The following GRM3 variants were observed in gnomAD, a reference collection of about 807,000 sequenced individuals.
GRM3 encodes metabotropic glutamate receptor 3.
Under a neutral mutation model 70.5 loss-of-function variants are expected in GRM3, and 26 were observed. The observed-to-expected ratio is 0.37, with a 90% CI of 0.27 to 0.51. GRM3 has a LOEUF of 0.51. Among genes scored for constraint, GRM3 ranks in the 20% least tolerant of loss-of-function variants. GRM3 has a pLI of 0.93. For synonymous variants in GRM3, 443 were observed against 434.9 expected, an observed-to-expected ratio of 1.02 and a Z score of -0.23; for missense variants, 859 against 1,123.8, an observed-to-expected ratio of 0.76 and a Z score of 3.37.
intron 1 of GRM3, among the ~76,000 whole-genome samples, chr7:86,764,703 G>GA (rs531499653): frequency 6.0e-5 from 9 of 149,274 alleles, no homozygotes; most frequent in Non-Finnish European, 7.4e-5. Flanking sequence ...GCTTTCAAAA[G>GA]AAAAAAAAAC....
intron 1 of GRM3, among the ~76,000 whole-genome samples, chr7:86,698,546 C>CATT (rs1004701557): frequency 7.2e-6 from 1 of 139,686 alleles, no homozygotes; most frequent in African/African-American, 3.0e-5. Flanking sequence ...ATAAAATACA[C>CATT]ATTATTATTA....
chr7:86,679,864 A>G (rs930185801), intron 1 of GRM3, among the ~76,000 whole-genome samples: 1 of 152,082 alleles, frequency 6.6e-6, no homozygotes, highest in African/African-American at 2.4e-5. Context: ...AAAAATTTCT[A>G]ATTTGTTCAC....
intron 3 of GRM3, among the ~76,000 whole-genome samples, chr7:86,812,325 G>GGATT (rs1212402277): frequency 1.3e-5 from 2 of 151,770 alleles, no homozygotes; most frequent in African/African-American, 4.8e-5. Context: ...GCAAGGCAAG[G>GGATT]GATTGCCTGA....
chr7:86,836,945 A>G (rs910311966), intron 3 of GRM3, among the ~76,000 whole-genome samples: 1 of 152,150 alleles, frequency 6.6e-6, no homozygotes, highest in South Asian at 2.1e-4. Flanking sequence ...CAACTACTAC[A>G]TCACCCTGTG....
intron 1 of GRM3, among the ~76,000 whole-genome samples, chr7:86,680,474 G>A (rs1387011067): frequency 1.3e-5 from 2 of 152,026 alleles, no homozygotes; most frequent in Non-Finnish European, 2.9e-5. Flanking sequence ...ATCTTCCTAA[G>A]TTTCACCTTA....
intron 3 of GRM3, among the ~76,000 whole-genome samples, chr7:86,812,046 A>G (rs1797920357): frequency 6.6e-6 from 1 of 151,514 alleles, no homozygotes; most frequent in African/African-American, 2.4e-5. Context: ...AATTCTACCC[A>G]CTCTACTGAA....
chr7:86,718,172 T>G (rs1464416030), intron 1 of GRM3, among the ~76,000 whole-genome samples: 1 of 151,772 alleles, frequency 6.6e-6, no homozygotes, highest in African/African-American at 2.4e-5. Flanking sequence ...ATTTACATAC[T>G]TCAGCTTGGC....
At chr7:86,688,757 A>C (rs532186283) in intron 1 of GRM3, among the ~76,000 whole-genome samples, 28 of 148,408 alleles carry the variant, frequency 1.9e-4, no homozygotes, top group African/African-American at 4.9e-4. Context: ...GTATATATAT[A>C]TCTCTCACAT....
Position 86,813,745 on chromosome 7 carries a change from A to G in GRM3, c.1325-25094A>G, listed in dbSNP as rs575749486. 2.0e-5 allele frequency among the ~76,000 whole-genome samples: 3 copies of G among 151,890 alleles called. No individual in the cohort carries two copies. In the South Asian group the frequency reaches 6.2e-4, roughly 32 times the overall value. ...ATGGTGGCCAGAACTCTTGGGCATC[A>G]TCACCTGCTATACGATCATGTTAAT... On this transcript the variant is annotated intron_variant, in intron 3 of 5. Transcript: ENST00000361669.
rs182782575 is a variant in GRM3 at position 86,716,279 on chromosome 7, G to A, written c.-140-48727G>A. ...TATGACAGAGTATGACAAAAAGAACGGAGAGAGGAGAAAGACAAAGCAGAG... is the reference window on the plus strand; with the variant it reads ...TATGACAGAGTATGACAAAAAGAACAGAGAGAGGAGAAAGACAAAGCAGAG... On this transcript the variant is annotated intron_variant, in intron 1 of 5. Transcript: ENST00000361669. Among the ~76,000 whole-genome samples, 281 of 151,984 alleles carry A rather than the reference G, an allele frequency of 1.8e-3. 1 individual carries two copies. The highest frequency in any genetic ancestry group is 6.2e-3 in the African/African-American group (259 of 41,484).
Position 86,818,531 on chromosome 7 carries a change from A to G in GRM3, c.1325-20308A>G, listed in dbSNP as rs191456814. Among the ~76,000 whole-genome samples, 5 of 152,052 alleles carry G rather than the reference A, an allele frequency of 3.3e-5. No homozygotes were observed. The East Asian group carries it at 9.7e-4, about 29-fold the overall frequency. On this transcript the variant is annotated intron_variant, in intron 3 of 5. Coordinates refer to ENST00000361669, the MANE Select transcript of GRM3 (RefSeq NM_000840.3). ...TAAAATATCAGTAAGAACCCATTTCATTGGGTTAAGCTAAATGAGATGATG... is the reference window on the plus strand; with the variant it reads ...TAAAATATCAGTAAGAACCCATTTCGTTGGGTTAAGCTAAATGAGATGATG...
chr7:86,708,628 A>G (rs1010073494), intron 1 of GRM3, among the ~76,000 whole-genome samples: 1 of 152,224 alleles, frequency 6.6e-6, no homozygotes, highest in Admixed American at 6.5e-5. Flanking sequence ...CCAGAGCTGG[A>G]TTTAAACACA....
At chr7:86,715,467 G>A (rs970757499) in intron 1 of GRM3, among the ~76,000 whole-genome samples, 4 of 151,954 alleles carry the variant, frequency 2.6e-5, no homozygotes, top group Admixed American at 2.0e-4. Context: ...TAAGGAAGGT[G>A]TCTTGCATTA....
intron 1 of GRM3, among the ~76,000 whole-genome samples, chr7:86,667,262 A>T: frequency 6.6e-6 from 1 of 152,106 alleles, no homozygotes. Flanking sequence ...AAGGGCATAG[A>T]ATAGTGGATG....
At chr7:86,801,490 G>A (rs1225811006) in intron 3 of GRM3, among the ~76,000 whole-genome samples, 1 of 152,030 alleles carries the variant, frequency 6.6e-6, no homozygotes, top group African/African-American at 2.4e-5. Context: ...GGGATTTGTG[G>A]GCAATGGTGA....
chr7:86,738,598 A>T (rs1181500872), intron 1 of GRM3, among the ~76,000 whole-genome samples: 7 of 152,194 alleles, frequency 4.6e-5, no homozygotes, highest in African/African-American at 1.7e-4. Flanking sequence ...ATGACATGCC[A>T]AAGATCACAC....
At chr7:86,857,873 G>A (rs1798879379) in intron 5 of GRM3, among the ~76,000 whole-genome samples, 1 of 152,000 alleles carries the variant, frequency 6.6e-6, no homozygotes, top group South Asian at 2.1e-4. Flanking sequence ...ATTATTTATT[G>A]GGCATCCCTC....
At chr7:86,849,094 C>T (rs1798709507) in intron 4 of GRM3, among the ~76,000 whole-genome samples, 1 of 152,124 alleles carries the variant, frequency 6.6e-6, no homozygotes, top group African/African-American at 2.4e-5. Context: ...TTTGTCTCCC[C>T]CTCCCATGAT....
chr7:86,657,603 C>T (rs1167494511), intron 1 of GRM3, among the ~76,000 whole-genome samples: 1 of 152,172 alleles, frequency 6.6e-6, no homozygotes, highest in Non-Finnish European at 1.5e-5. Flanking sequence ...GCTAACATTT[C>T]TCCTGTAGGC....
Sources: allele counts gnomAD v4.1 joint callset (sites outside exome capture counted in the v4.1 genomes callset), GRCh38; gene constraint gnomAD v4.1.1; transcripts MANE v1.5; gene names NCBI Gene and HGNC (gene_info 2026-07-23, HGNC 2026-07-21).